The following CNTNAP5 variants were observed in gnomAD, a reference collection of about 807,000 sequenced individuals.
CNTNAP5 encodes contactin associated protein family member 5.
In CNTNAP5, 72 loss-of-function variants were observed where a neutral mutation model predicts 150.2. The ratio of observed to expected loss-of-function variants is 0.48; its 90% CI spans 0.40 to 0.58. The LOEUF is 0.58. CNTNAP5 is among the 20% of genes least tolerant of loss of function. The pLI, the probability that CNTNAP5 is intolerant of heterozygous loss-of-function variation, is 0.00. For missense variants in CNTNAP5, 1,636 were observed against 1,626.2 expected (o/e 1.01, Z -0.10); for synonymous variants, 672 against 619.8 (o/e 1.08, Z -1.25).
At chr2:124,629,951 A>AAAAAAAAAAAAAAC (rs1422707257) in intron 12 of CNTNAP5, among the ~76,000 whole-genome samples, 3 of 148,790 alleles carry the variant, frequency 2.0e-5, no homozygotes, top group Non-Finnish European at 4.5e-5. Context: ...AAAAAAAAAA[A>AAAAAAAAAAAAAAC]AAAACTGGAA....
intron 11 of CNTNAP5, among the ~76,000 whole-genome samples, chr2:124,574,834 G>A (rs1168990467): frequency 2.6e-5 from 4 of 152,148 alleles, no homozygotes; most frequent in Non-Finnish European, 5.9e-5. Context: ...AGAGACAAAA[G>A]TCAGAATACA....
At chr2:124,550,200 T>C (rs906402899) in intron 10 of CNTNAP5, among the ~76,000 whole-genome samples, 6 of 151,974 alleles carry the variant, frequency 3.9e-5, no homozygotes, top group African/African-American at 1.5e-4. Context: ...TAGAAATACT[T>C]CACAAGAGAG....
chr2:124,477,167 A>G (rs1693661037), intron 7 of CNTNAP5, among the ~76,000 whole-genome samples: 1 of 152,008 alleles, frequency 6.6e-6, no homozygotes, highest in African/African-American at 2.4e-5. Flanking sequence ...TTCAACTGAC[A>G]TTTTTTCTTT....
chr2:124,817,433 CA>C (rs200385956), intron 19 of CNTNAP5, among the ~76,000 whole-genome samples: 159 of 150,314 alleles, frequency 1.1e-3, no homozygotes, highest in Non-Finnish European at 1.5e-3. Context: ...ACACAACACA[CA>C]AAAAAAAACA....
At chr2:124,529,932 G>A (rs1460979157) in intron 10 of CNTNAP5, among the ~76,000 whole-genome samples, 1 of 152,104 alleles carries the variant, frequency 6.6e-6, no homozygotes, top group Non-Finnish European at 1.5e-5. Flanking sequence ...GCCAGCTTTT[G>A]TTTTTTGCTG....
chr2:124,564,146 G>A (rs911321483), intron 11 of CNTNAP5, among the ~76,000 whole-genome samples: 1 of 152,146 alleles, frequency 6.6e-6, no homozygotes, highest in Admixed American at 6.5e-5. Flanking sequence ...CAGAAGCAAA[G>A]AAACAAATGG....
At chr2:124,202,534 G>C (rs1303777149) in intron 1 of CNTNAP5, among the ~76,000 whole-genome samples, 2 of 152,180 alleles carry the variant, frequency 1.3e-5, no homozygotes. Context: ...AGTGAAGTCT[G>C]CATACGAGCA....
intron 3 of CNTNAP5, among the ~76,000 whole-genome samples, chr2:124,316,929 C>A (rs915025499): frequency 1.1e-4 from 17 of 150,806 alleles, no homozygotes; most frequent in East Asian, 2.0e-4. Flanking sequence ...TGGTCACACA[C>A]AAAAAAAACT....
chr2:124,773,798 G>C (rs1681257505), intron 17 of CNTNAP5, among the ~76,000 whole-genome samples: 1 of 150,920 alleles, frequency 6.6e-6, no homozygotes, highest in South Asian at 2.1e-4. Flanking sequence ...ACAGAGAAGA[G>C]AGCATGGGGT....
At chr2:124,578,493 G>A (rs1487527078) in intron 11 of CNTNAP5, among the ~76,000 whole-genome samples, 1 of 152,086 alleles carries the variant, frequency 6.6e-6, no homozygotes, top group African/African-American at 2.4e-5. Flanking sequence ...GCTCACCAGG[G>A]AATTTTCTCC....
chr2:124,778,854 A>T (rs982253095), intron 17 of CNTNAP5, among the ~76,000 whole-genome samples: 1 of 152,198 alleles, frequency 6.6e-6, no homozygotes, highest in Non-Finnish European at 1.5e-5. Flanking sequence ...AAGAAAAAAA[A>T]AAAAGAGTTT....
chr2:124,811,724 T>C (rs1682226769), intron 19 of CNTNAP5, among the ~76,000 whole-genome samples: 2 of 148,218 alleles, frequency 1.3e-5, no homozygotes, highest in African/African-American at 2.5e-5. Context: ...GTGGATCACC[T>C]GAAATCAGGA....
At chr2:124,183,467 T>C (rs1685255999) in intron 1 of CNTNAP5, among the ~76,000 whole-genome samples, 1 of 152,212 alleles carries the variant, frequency 6.6e-6, no homozygotes, top group African/African-American at 2.4e-5. Context: ...GTATATTCAA[T>C]GTGTCACAAT....
intron 3 of CNTNAP5, among the ~76,000 whole-genome samples, chr2:124,256,458 G>A (rs1687318251): frequency 6.6e-6 from 1 of 151,996 alleles, no homozygotes; most frequent in South Asian, 2.1e-4. Flanking sequence ...TTGGTTGTGA[G>A]TCTCCAATGG....
intron 20 of CNTNAP5, among the ~76,000 whole-genome samples, chr2:124,865,901 G>A (rs142489871): frequency 1.7e-4 from 26 of 150,832 alleles, no homozygotes; most frequent in East Asian, 2.0e-4. Context: ...CAGAAATCAC[G>A]CCATTGAACT....
chr2:124,510,068 G>A (rs76726709), intron 8 of CNTNAP5, among the ~76,000 whole-genome samples: 6,034 of 151,680 alleles, frequency 0.04, 147 homozygotes, highest in Non-Finnish European at 0.047. Flanking sequence ...GAGTGTGGTG[G>A]CGCATGCCTG....
At chr2:124,260,287 A>G (rs1245047097) in intron 3 of CNTNAP5, among the ~76,000 whole-genome samples, 2 of 152,220 alleles carry the variant, frequency 1.3e-5, no homozygotes, top group Admixed American at 6.5e-5. Context: ...TGTTTAATAA[A>G]TGGTGCTGGG....
intron 10 of CNTNAP5, among the ~76,000 whole-genome samples, chr2:124,541,740 G>A (rs960334542): frequency 3.3e-5 from 5 of 152,144 alleles, no homozygotes; most frequent in Non-Finnish European, 5.9e-5. Context: ...GTAGAGGAAA[G>A]CCAACTATCG....
chr2:124,776,546 C>T (rs1339135000), intron 17 of CNTNAP5, among the ~76,000 whole-genome samples: 1 of 152,142 alleles, frequency 6.6e-6, no homozygotes, highest in Admixed American at 6.5e-5. Context: ...TCTGGCACTT[C>T]CTAAACTCTT....
Sources: gnomAD v4.1 joint callset for allele counts (sites outside exome capture counted in the v4.1 genomes callset) on GRCh38, gnomAD v4.1.1 for gene constraint, MANE v1.5 for transcripts, NCBI Gene and HGNC (gene_info 2026-07-23, HGNC 2026-07-21) for gene names.